Variants in RBFOX3 observed in about 807,000 individuals in gnomAD.
RBFOX3 encodes the protein RNA binding protein fox-1 homolog 3.
RBFOX3 carries 17 observed loss-of-function variants against 48.7 expected under a neutral mutation model. That is an observed-to-expected ratio of 0.35 (90% CI 0.24 to 0.52). RBFOX3 has a LOEUF of 0.52. Among genes scored for constraint, RBFOX3 ranks in the 20% least tolerant of loss-of-function variants. The pLI is 0.94. For missense variants in RBFOX3, 382 were observed against 497.5 expected (o/e 0.77, Z 2.21); for synonymous variants, 212 against 209.5 (o/e 1.01, Z -0.10).
intron 3 of RBFOX3, among the ~76,000 whole-genome samples, chr17:79,282,399 C>T (rs1250013211): frequency 6.6e-6 from 1 of 152,216 alleles, no homozygotes; most frequent in Non-Finnish European, 1.5e-5. Context: ...GAAAAGGGTT[C>T]TTTTCTGCTC....
At chr17:79,463,142 G>A (rs570002419) in intron 2 of RBFOX3, among the ~76,000 whole-genome samples, 100 of 139,410 alleles carry the variant, frequency 7.2e-4, no homozygotes, top group East Asian at 8.6e-4. Flanking sequence ...CACTGCCACC[G>A]CCACCTCCAC....
At chr17:79,222,362 A>G (rs2059839826) in intron 4 of RBFOX3, among the ~76,000 whole-genome samples, 1 of 152,232 alleles carries the variant, frequency 6.6e-6, no homozygotes, top group Non-Finnish European at 1.5e-5. Flanking sequence ...CCAGTCTTGC[A>G]GCCTCTGTGG....
At chr17:79,312,019 C>A (rs531860675) in intron 2 of RBFOX3, among the ~76,000 whole-genome samples, 1 of 152,194 alleles carries the variant, frequency 6.6e-6, no homozygotes, top group East Asian at 1.9e-4. Flanking sequence ...TTCTCCTCCC[C>A]CTTCCTGACT....
chr17:79,143,494 C>T (rs1342672769), intron 4 of RBFOX3, among the ~76,000 whole-genome samples: 1 of 152,138 alleles, frequency 6.6e-6, no homozygotes, highest in South Asian at 2.1e-4. Context: ...AGCCAACCCA[C>T]CCACAGCGTG....
intron 1 of RBFOX3, among the ~76,000 whole-genome samples, chr17:79,501,823 A>G (rs1479682647): frequency 6.6e-6 from 1 of 152,214 alleles, no homozygotes; most frequent in African/African-American, 2.4e-5. Flanking sequence ...ATTCTTAGAA[A>G]CTGCCCTGCC....
At chr17:79,280,697 G>T (rs112493196) in intron 3 of RBFOX3, among the ~76,000 whole-genome samples, 227 of 152,176 alleles carry the variant, frequency 1.5e-3, no homozygotes, top group African/African-American at 5.3e-3. Flanking sequence ...GCCTTGGGGC[G>T]CACGGCAGGC....
At chr17:79,396,897 C>T (rs1003787588) in intron 2 of RBFOX3, among the ~76,000 whole-genome samples, 14 of 152,220 alleles carry the variant, frequency 9.2e-5, no homozygotes, top group East Asian at 3.9e-4. Context: ...TCCGTGAAGC[C>T]GGGCCAGGGT....
chr17:79,316,816 G>C (rs1373823400), intron 2 of RBFOX3, among the ~76,000 whole-genome samples: 1 of 152,194 alleles, frequency 6.6e-6, no homozygotes, highest in Admixed American at 6.5e-5. Flanking sequence ...GCAATATTTG[G>C]GAAGTACTTA....
chr17:79,195,374 C>T lies in RBFOX3; in HGVS notation c.-34+40392G>A, dbSNP rs995960166. ...TTGACATTGCACCACTGCACTCCAG[C>T]TTGGGTGACAGAGTGAGACTCCATC... On this transcript the variant is annotated intron_variant, in intron 4 of 14. Coordinates refer to ENST00000693108, the MANE Select transcript of RBFOX3 (RefSeq NM_001350451.2). This position sits in a 1 kb window ranked among gnomAD's most constrained non-coding sequence, Gnocchi z 5.3. Among the ~76,000 whole-genome samples, 1 of 151,746 alleles carries T rather than the reference C, an allele frequency of 6.6e-6. No homozygotes were observed. Among genetic ancestry groups the T allele is most frequent in the Non-Finnish European group, 1.5e-5 (1 of 67,960 alleles).
At chr17:79,416,873 T>G (rs1032596565) in intron 2 of RBFOX3, among the ~76,000 whole-genome samples, 5 of 152,228 alleles carry the variant, frequency 3.3e-5, no homozygotes, top group Admixed American at 1.3e-4. Flanking sequence ...TGTGCTGTTT[T>G]GGGGATGCGG....
rs116073169 is a variant in RBFOX3 at position 79,360,847 on chromosome 17, A to C, written c.-174-53023T>G. ...ATTCCTTTTTTTTTTTTTTTTAAGA[A>C]ACAGATTAAATTATGTTGGGGGAAG... On this transcript the variant is annotated intron_variant, in intron 2 of 14. Coordinates refer to ENST00000693108, the MANE Select transcript of RBFOX3 (RefSeq NM_001350451.2). 7.8e-3 allele frequency among the ~76,000 whole-genome samples: 1,185 copies of C among 151,482 alleles called. 17 individuals carry two copies. The highest frequency in any genetic ancestry group is 0.027 in the African/African-American group (1,128 of 41,268).
intron 4 of RBFOX3, among the ~76,000 whole-genome samples, chr17:79,209,521 G>T (rs2058061558): frequency 6.6e-6 from 1 of 152,200 alleles, no homozygotes; most frequent in Non-Finnish European, 1.5e-5. Context: ...CCCATACTGG[G>T]GACTTGACTT....
chr17:79,653,036 A>G, the RBFOX3 span, among the ~76,000 whole-genome samples: 2 of 152,168 alleles, frequency 1.3e-5, no homozygotes, highest in Non-Finnish European at 2.9e-5. Context: ...GGGAAAAAAA[A>G]TGCCTTCGAA....
chr17:79,360,477 C>T (rs180893720), intron 2 of RBFOX3, among the ~76,000 whole-genome samples: 10 of 152,322 alleles, frequency 6.6e-5, no homozygotes, highest in African/African-American at 1.7e-4. Context: ...CAAAGGTGCC[C>T]GCGCTCAGCA....
At chr17:79,571,689 G>A (rs1027190848) in intron 1 of RBFOX3, among the ~76,000 whole-genome samples, 179 of 152,152 alleles carry the variant, frequency 1.2e-3, no homozygotes, top group African/African-American at 4.1e-3. Flanking sequence ...TTGCTGCATC[G>A]CACCAAGCAA....
At chr17:79,559,616 GATGGATGGAT>G in intron 1 of RBFOX3, among the ~76,000 whole-genome samples, 2 of 37,138 alleles carry the variant, frequency 5.4e-5, no homozygotes, top group Admixed American at 3.1e-4. Flanking sequence ...TGAATAGGTA[GATGGATGGAT>G]GGGTGGATGG....
chr17:79,141,936 G>C (rs964535956), intron 4 of RBFOX3, among the ~76,000 whole-genome samples: 1 of 152,216 alleles, frequency 6.6e-6, no homozygotes, highest in Admixed American at 6.5e-5. Context: ...GGAAGAAAGG[G>C]ACGCACACAG....
intron 4 of RBFOX3, among the ~76,000 whole-genome samples, chr17:79,215,354 C>T (rs1028510507): frequency 6.6e-6 from 1 of 152,208 alleles, no homozygotes; most frequent in African/African-American, 2.4e-5. Context: ...ATGAATGTGA[C>T]CGTGGTAGGA....
chr17:79,213,365 G>T (rs1567852023), intron 4 of RBFOX3, among the ~76,000 whole-genome samples: 1 of 152,186 alleles, frequency 6.6e-6, no homozygotes, highest in African/African-American at 2.4e-5. Flanking sequence ...CACAAGGGAA[G>T]CTGTGTCTTC....
Sources: allele counts gnomAD v4.1 joint callset (sites outside exome capture counted in the v4.1 genomes callset), GRCh38; gene constraint gnomAD v4.1.1; non-coding constraint Gnocchi (gnomAD v3.1); transcripts MANE v1.5; gene names NCBI Gene and HGNC (gene_info 2026-07-23, HGNC 2026-07-21).